Variants in RADIL observed in about 807,000 individuals in gnomAD.
RADIL encodes the protein Rap associating with DIL domain.
In RADIL, 99 loss-of-function variants were observed where a neutral mutation model predicts 97.6. The observed-to-expected ratio is 1.01, with a 90% CI of 0.86 to 1.20. The LOEUF is 1.20. Among genes scored for constraint, RADIL ranks in the 50% most tolerant of loss-of-function variants. The probability of loss-of-function intolerance (pLI) is 0.00; values close to 1 mark genes in which losing one functional copy is unlikely to be tolerated. For missense variants in RADIL, 1,765 were observed against 1,498.9 expected (o/e 1.18, Z -2.93); for synonymous variants, 803 against 691.8 (o/e 1.16, Z -2.52).
At chr7:4,833,275 G>C (rs182799487) in intron 4 of RADIL, among the ~76,000 whole-genome samples, 9 of 152,348 alleles carry the variant, frequency 5.9e-5, no homozygotes, top group Non-Finnish European at 5.9e-5. Context: ...ACAGCGTTTG[G>C]TTTGCAAGTA....
At chr7:4,825,945 T>TAA (rs891566063) in intron 5 of RADIL, among the ~76,000 whole-genome samples, 14 of 146,748 alleles carry the variant, frequency 9.5e-5, no homozygotes, top group Admixed American at 3.4e-4. Flanking sequence ...AGGAAACTGT[T>TAA]AAAGGTGCTC....
At chr7:4,869,141 C>CA (rs61588142) in intron 2 of RADIL, among the ~76,000 whole-genome samples, 13,706 of 152,100 alleles carry the variant, frequency 0.09, 1,068 homozygotes, top group African/African-American at 0.21. Context: ...GACAAACAAA[C>CA]AAACAAAAAC....
rs556707860 is a variant in RADIL at position 4,827,391 on chromosome 7, G to A, written c.1454+4750C>T. On this transcript the variant is annotated intron_variant, in intron 5 of 14. Transcript: ENST00000399583. The stretch of plus-strand genomic sequence containing the variant: ...AAAAAAAAAAAGGGCCGGGTGCGGT[G>A]GCTCACGCCTGTAATCCCAGCACTT... Among the ~76,000 whole-genome samples, 26 of 151,476 alleles carry A rather than the reference G, an allele frequency of 1.7e-4. No individual in the cohort carries two copies. In the South Asian group the frequency reaches 5.4e-3, roughly 32 times the overall value.
rs35301644 is a variant in RADIL, at chr7:4,809,657, T to TTTTATTTA, written c.2140-3949_2140-3942dup. 20 of 916,210 alleles carry TTTTATTTA rather than the reference T, an allele frequency of 2.2e-5. No homozygotes were observed. In the South Asian group the frequency reaches 5.1e-4, roughly 23 times the overall value. 56.8% of individuals were successfully genotyped at this position (916,210 alleles called of 1,614,324 possible). ...CCTTTCAGGAGTATTTTACATCTTA[T>TTTTATTTA]TTTATTTATTTATTTATTTTATTTT... On this transcript the variant is annotated intron_variant, in intron 9 of 14. Coordinates refer to ENST00000399583, the MANE Select transcript of RADIL (RefSeq NM_018059.5).
chr7:4,800,373 A>AT, intron 12 of RADIL, 63 bp from the exon 13 acceptor site: 1 of 1,399,086 alleles, frequency 7.1e-7, no homozygotes, highest in South Asian at 1.5e-5. Context: ...GAGGAATGGG[A>AT]TGTCCTGGCC....
At chr7:4,826,650 T>G (rs1375843421) in intron 5 of RADIL, among the ~76,000 whole-genome samples, 4 of 151,450 alleles carry the variant, frequency 2.6e-5, no homozygotes, top group Non-Finnish European at 4.4e-5. Context: ...TGAGAATCGC[T>G]TGAACCCAGG....
intron 5 of RADIL, among the ~76,000 whole-genome samples, chr7:4,830,894 G>A (rs912166590): frequency 3.9e-5 from 6 of 152,052 alleles, no homozygotes; most frequent in South Asian, 4.2e-4. Context: ...GGTGGCGGGC[G>A]CCTGTAGTCC....
chr7:4,836,552 T>A lies in RADIL; in HGVS notation c.589A>T (p.Thr197Ser). 1 of 1,607,428 alleles carries A rather than the reference T, an allele frequency of 6.2e-7. No homozygotes were observed. The highest frequency in any genetic ancestry group is 8.5e-7 in the Non-Finnish European group (1 of 1,179,404). The change falls in exon 3 of 15, where the codon ACC becomes TCC. Residue 197 changes from threonine (T) to serine (S), a missense_variant. By Grantham distance (58) the Thr-to-Ser change is moderately conservative. Coordinates refer to ENST00000399583, the MANE Select transcript of RADIL (RefSeq NM_018059.5). The part of the protein sequence containing the change: ...LQRSRAKGTP[T>S]PALGDARSSP... ...CTCCGGGCATCCCCCAGGGCCGGGG[T>A]CGGGGTTCCCTTCGCGCGACTCCGC... is the stretch of plus-strand genomic sequence containing the variant.
In RADIL at chr7:4,880,037, G is replaced by A. The variant is rs191093740; in HGVS notation, c.-64-1834C>T. Among the ~76,000 whole-genome samples the A allele has an allele frequency of 1.1e-3, 175 of 152,298 alleles. No homozygotes were observed. Among genetic ancestry groups the A allele is most frequent in the African/African-American group, 4.0e-3 (167 of 41,584 alleles). On this transcript the variant is annotated intron_variant, in intron 1 of 14. Coordinates refer to ENST00000399583, the MANE Select transcript of RADIL (RefSeq NM_018059.5). The surrounding 1 kb of genome is among the most constrained non-coding windows in gnomAD (Gnocchi z 4.5). ...AACGCGGACGTCTGCCCTGCGGGGT[G>A]GGTGGCTGGCCCTTCTCCTGTTCCT...
rs925889536 is a variant in RADIL at position 4,842,992 on chromosome 7, G to A, written c.536-6387C>T. ...ACTATAGGTGCGCACCCCCATGCCC[G>A]GCAAGAGACAATTTTTTTTTTTTTT... On this transcript the variant is annotated intron_variant, in intron 2 of 14. Coordinates refer to ENST00000399583, the MANE Select transcript of RADIL (RefSeq NM_018059.5). This position sits in a 1 kb window ranked among gnomAD's most constrained non-coding sequence, Gnocchi z 4.5. 1.3e-5 allele frequency among the ~76,000 whole-genome samples: 2 copies of A among 151,416 alleles called. No individual in the cohort carries two copies. Among genetic ancestry groups the A allele is most frequent in the South Asian group, 2.1e-4 (1 of 4,778 alleles).
intron 2 of RADIL, among the ~76,000 whole-genome samples, chr7:4,853,934 T>C (rs1441348675): frequency 1.3e-5 from 2 of 152,078 alleles, no homozygotes; most frequent in African/African-American, 4.8e-5. Context: ...AAAAGAGACA[T>C]TTTCCTGTCT....
At chr7:4,869,649 T>G (rs914286005) in intron 2 of RADIL, among the ~76,000 whole-genome samples, 1 of 152,130 alleles carries the variant, frequency 6.6e-6, no homozygotes, top group Non-Finnish European at 1.5e-5. Flanking sequence ...CACAGGGTAT[T>G]TGGTCTGCAT....
At chr7:4,800,027 T>G in intron 13 of RADIL, 144 bp downstream of exon 13, 1 of 1,295,124 alleles carries the variant, frequency 7.7e-7, no homozygotes, top group Non-Finnish European at 1.0e-6. Flanking sequence ...TGGGTTCCCC[T>G]CCCAGCTGCA....
At chr7:4,827,387 C>G (rs1335904046) in intron 5 of RADIL, among the ~76,000 whole-genome samples, 2 of 138,626 alleles carry the variant, frequency 1.4e-5, no homozygotes, top group Admixed American at 7.2e-5. Flanking sequence ...GGGCCGGGTG[C>G]GGTGGCTCAC....
chr7:4,799,210 T>C lies in RADIL; in HGVS notation c.*168A>G. 1 of 607,820 alleles carries C rather than the reference T, an allele frequency of 1.6e-6. No individual in the cohort carries two copies. Among genetic ancestry groups the C allele is most frequent in the Non-Finnish European group, 2.9e-6 (1 of 341,820 alleles). 37.7% of individuals were successfully genotyped at this position (607,820 alleles called of 1,614,324 possible). On this transcript the variant is annotated 3_prime_UTR_variant, in exon 15 of 15. Coordinates refer to ENST00000399583, the MANE Select transcript of RADIL (RefSeq NM_018059.5). ...AATTTCACGTCATCTGCCATATAAA[T>C]AGAACCTACACTGAGATGCATGTTA...
rs1223236341 is a variant in RADIL, at chr7:4,815,477, G to A, written c.1967-27C>T. 1.4e-6 allele frequency: 2 copies of A among 1,473,852 alleles called. No individual in the cohort carries two copies. Among genetic ancestry groups the A allele is most frequent in the Non-Finnish European group, 9.0e-7 (1 of 1,108,770 alleles). The allele number at this position is 1,473,852 out of a possible 1,614,324, so 91.3% of individuals were successfully genotyped here. A position where few individuals can be genotyped will look rare whatever the true frequency, so the allele number is the denominator to read the frequency against. On this transcript the variant is annotated intron_variant, in intron 8 of 14. Coordinates refer to ENST00000399583, the MANE Select transcript of RADIL (RefSeq NM_018059.5). This position sits in a 1 kb window ranked among gnomAD's most constrained non-coding sequence, Gnocchi z 8.0. ...TGTGGAGGGAAGAAGGGAGGGTGAT[G>A]CCTGGGCTGCCCTCCTGGGGGGACA...
At chr7:4,831,797 A>G (rs1783148027) in intron 5 of RADIL, among the ~76,000 whole-genome samples, 1 of 152,142 alleles carries the variant, frequency 6.6e-6, no homozygotes, top group African/African-American at 2.4e-5. Flanking sequence ...CTGAGGCAAG[A>G]GAATCCCTTG....
chr7:4,822,448 G>A lies in RADIL; in HGVS notation c.1561C>T (p.Gln521Ter). 1.9e-6 allele frequency: 3 copies of A among 1,613,058 alleles called. No homozygotes were observed. The highest frequency in any genetic ancestry group is 2.5e-6 in the Non-Finnish European group (3 of 1,179,976). ...SNSIELLYFI[Q>*]QKCPLYMQSM... Reference sequence around the variant, plus strand: ...TGCATGTAGAGTGGGCATTTCTGCTGGATAAAGTACAGGAGCTCGATGGAG... The same window carrying A: ...TGCATGTAGAGTGGGCATTTCTGCTAGATAAAGTACAGGAGCTCGATGGAG... The change falls in exon 6 of 15, where the codon CAG becomes TAG. Residue 521 changes from glutamine (Q) to a stop codon, truncating the protein, a stop_gained. Coordinates refer to ENST00000399583, the MANE Select transcript of RADIL (RefSeq NM_018059.5). LOFTEE classifies it high-confidence loss of function. The surrounding 1 kb of genome is among the most constrained non-coding windows in gnomAD (Gnocchi z 5.3).
At chr7:4,809,511 A>G (rs73312621) in intron 9 of RADIL, 106,963 of 985,122 alleles carry the variant, frequency 0.11, 7,633 homozygotes, top group African/African-American at 0.32. Flanking sequence ...AAACAAGAAC[A>G]AGAACGTGGG....
Sources: gnomAD v4.1 joint callset for allele counts (sites outside exome capture counted in the v4.1 genomes callset) on GRCh38, gnomAD v4.1.1 for gene constraint, Gnocchi (gnomAD v3.1) non-coding constraint, MANE v1.5 for transcripts, NCBI Gene and HGNC (gene_info 2026-07-23, HGNC 2026-07-21) for gene names.